ATM: variants seen among roughly 807,000 people sequenced by gnomAD.
ATM encodes the protein serine-protein kinase ATM.
Under a neutral mutation model 387.0 loss-of-function variants are expected in ATM, and 308 were observed. The ratio of observed to expected loss-of-function variants is 0.80; its 90% CI spans 0.73 to 0.87. The LOEUF (loss-of-function observed/expected upper bound fraction) is 0.87. Ranked by LOEUF, ATM falls within the 40% of genes least tolerant of loss-of-function variation. ATM has a pLI of 0.00. For missense variants in ATM, 3,312 were observed against 3,560.9 expected (o/e 0.93, Z 1.78); for synonymous variants, 1,156 against 1,187.3 (o/e 0.97, Z 0.54).
intron 38 of ATM, chr11:108,309,080 A>C: frequency 7.0e-7 from 1 of 1,425,810 alleles, no homozygotes; most frequent in Non-Finnish European, 9.6e-7. Context: ...TCCTGGAGAA[A>C]GTATGAATGG....
chr11:108,232,527 CTTTTTTTTTTTTT>C (rs71047685), intron 4 of ATM, among the ~76,000 whole-genome samples: 115 of 58,218 alleles, frequency 2.0e-3, no homozygotes, highest in African/African-American at 5.6e-3. Context: ...GATTTCTCTC[CTTTTTTTTTTTTT>C]TTTTTTTTTT....
Position 108,282,812 on chromosome 11 carries a change from A to G in ATM, c.3679A>G (p.Thr1227Ala), listed in dbSNP as rs1047871047. The G allele has an allele frequency of 6.4e-7, 1 of 1,555,596 alleles. No individual in the cohort carries two copies. The highest frequency in any genetic ancestry group is 1.4e-5 in the African/African-American group (1 of 73,492). Residue 1227 changes from threonine (T) to alanine (A), a missense_variant, in exon 25 of 63, where the codon ACT becomes GCT. Thr to Ala is a moderately conservative substitution (Grantham distance 58). Transcript: ENST00000675843. ...LVLEWLNLQD[T>A]EYNLSSFPFI... Reference sequence around the variant, plus strand: ...TTTGGAATGGCTAAATCTTCAAGATACTGAATACAACTTATCTTCTTTTCC... The same window carrying G: ...TTTGGAATGGCTAAATCTTCAAGATGCTGAATACAACTTATCTTCTTTTCC...
intron 59 of ATM, among the ~76,000 whole-genome samples, chr11:108,348,231 T>C (rs1416114654): frequency 6.6e-6 from 1 of 151,822 alleles, no homozygotes; most frequent in Non-Finnish European, 1.5e-5. Context: ...TGTATATATA[T>C]AGACAGTTTA....
chr11:108,232,101 G>A (rs2079042929), intron 4 of ATM, among the ~76,000 whole-genome samples: 1 of 152,258 alleles, frequency 6.6e-6, no homozygotes, highest in Non-Finnish European at 1.5e-5. Context: ...TTGCCTTGCA[G>A]TGAACAAACC....
intron 59 of ATM, among the ~76,000 whole-genome samples, chr11:108,352,083 C>G (rs192575393): frequency 1.3e-5 from 2 of 152,204 alleles, no homozygotes; most frequent in Admixed American, 1.3e-4. Context: ...TCCTGAGTCT[C>G]GTAATAACTA....
chr11:108,357,790 T>C (rs1271461941), intron 61 of ATM, among the ~76,000 whole-genome samples: 1 of 151,802 alleles, frequency 6.6e-6, no homozygotes, highest in Non-Finnish European at 1.5e-5. Flanking sequence ...CAAAAACCCA[T>C]CTGTACATCA....
intron 16 of ATM, among the ~76,000 whole-genome samples, chr11:108,260,423 T>C (rs2080794355): frequency 6.6e-6 from 1 of 152,186 alleles, no homozygotes. Flanking sequence ...TATTGTACTT[T>C]TGTCTATTTG....
At chr11:108,237,200 A>G (rs2079322963) in intron 5 of ATM, among the ~76,000 whole-genome samples, 1 of 152,094 alleles carries the variant, frequency 6.6e-6, no homozygotes, top group Non-Finnish European at 1.5e-5. Flanking sequence ...CCTTTACGTT[A>G]CTCTGAACAC....
intron 31 of ATM, among the ~76,000 whole-genome samples, chr11:108,293,889 AAAAAAATAT>A (rs1335436489): frequency 2.6e-5 from 3 of 113,298 alleles, no homozygotes; most frequent in African/African-American, 9.2e-5. Flanking sequence ...AAAAAAAAAA[AAAAAAATAT>A]ATATATATAT....
At position 108,366,165 on chromosome 11, in the gene ATM, G is replaced by A; in HGVS notation, c.*657G>A. 1 of 193,752 alleles carries A rather than the reference G, an allele frequency of 5.2e-6. No homozygotes were observed. Among genetic ancestry groups the A allele is most frequent in the Non-Finnish European group, 1.1e-5 (1 of 93,314 alleles). The allele number at this position is 193,752 out of a possible 1,614,324, so 12.0% of individuals were successfully genotyped here. A position where few individuals can be genotyped will look rare whatever the true frequency, so the allele number is the denominator to read the frequency against. The stretch of plus-strand genomic sequence containing the variant: ...GTGTAGTTACTATTTTTTTAAGTGT[G>A]TATTAAAACTTCTCATTCTATTCTC... On this transcript the variant is annotated 3_prime_UTR_variant, in exon 63 of 63. Transcript: ENST00000675843.
At chr11:108,364,982 C>T (rs2137854564) in intron 61 of ATM, 100 bp from the exon 62 acceptor site, 1 of 1,380,440 alleles carries the variant, frequency 7.2e-7, no homozygotes, top group African/African-American at 1.4e-5. Context: ...CCATCAACTA[C>T]CATGTGACTG....
At chr11:108,309,831 G>T (rs2083993045) in intron 38 of ATM, among the ~76,000 whole-genome samples, 1 of 152,128 alleles carries the variant, frequency 6.6e-6, no homozygotes, top group Non-Finnish European at 1.5e-5. Context: ...TAGCTATTCT[G>T]TGTATCCTAT....
chr11:108,328,889 A>G (rs2085958738), intron 48 of ATM, 132 bp from the exon 49 acceptor site: 2 of 1,023,670 alleles, frequency 2.0e-6, no homozygotes, highest in Non-Finnish European at 2.9e-6. Context: ...CAAGTTTGCA[A>G]TAGTTCATAT....
rs549106928 is a variant in ATM at position 108,289,752 on chromosome 11, T to A, written c.4387T>A (p.Phe1463Ile). ...AAGTGGCTTAGGAGGAGCTTGGGCC[T>A]TTGTTCTTCGAGACGTTATTTATAC... ...IKSGLGGAWA[F>I]VLRDVIYTLI... The change falls in exon 29 of 63, where the codon TTT becomes ATT. Residue 1463 changes from phenylalanine (F) to isoleucine (I), a missense_variant. Coordinates refer to ENST00000675843, the MANE Select transcript of ATM (RefSeq NM_000051.4). 1 of 1,613,678 alleles carries A rather than the reference T, an allele frequency of 6.2e-7. No individual in the cohort carries two copies. The highest frequency in any genetic ancestry group is 1.1e-5 in the South Asian group (1 of 91,050).
At position 108,250,858 on chromosome 11, in the gene ATM, TGTCAAGACAAGAG is replaced by T; in HGVS notation, c.1399_1411del (p.Asp467ThrfsTer2). ...ACGATGCCTTACGGAAGTTGCATTG[TGTCAAGACAAGAG>T]GTCAAACCTAGAAAGCTCACAAAAG... On this transcript the variant is annotated frameshift_variant, in exon 10 of 63. Coordinates refer to ENST00000675843, the MANE Select transcript of ATM (RefSeq NM_000051.4). LOFTEE classifies it high-confidence loss of function. 6.2e-7 allele frequency: 1 copy of T among 1,614,190 alleles called. No homozygotes were observed. Among genetic ancestry groups the T allele is most frequent in the Non-Finnish European group, 8.5e-7 (1 of 1,180,034 alleles).
At chr11:108,253,771 T>G in intron 12 of ATM, 43 bp from the exon 13 acceptor site, 1 of 1,461,644 alleles carries the variant, frequency 6.8e-7, no homozygotes, top group Non-Finnish European at 9.6e-7. Context: ...AGGCAAAGCA[T>G]TAGGTACTTG....
chr11:108,327,805 T>C lies in ATM; in HGVS notation c.7089+47T>C, dbSNP rs115307746. 1.6e-4 allele frequency: 214 copies of C among 1,342,704 alleles called. No homozygotes were observed. In the African/African-American group the frequency reaches 1.7e-3, roughly 11 times the overall value. The allele number at this position is 1,342,704 out of a possible 1,614,324, so 83.2% of individuals were successfully genotyped here. ...TTAAGATAGTTACTTAGCATGAATA[T>C]GCTTCATCTTTTCATCAAGATCAAT... On this transcript the variant is annotated intron_variant, in intron 48 of 62. Coordinates refer to ENST00000675843, the MANE Select transcript of ATM (RefSeq NM_000051.4).
At chr11:108,335,227 G>A (rs771106354) in intron 55 of ATM, 118 bp downstream of exon 55, 2 of 1,565,078 alleles carry the variant, frequency 1.3e-6, no homozygotes, top group African/African-American at 1.4e-5. Flanking sequence ...TACAAATGAG[G>A]AAGATTTGTA....
intron 61 of ATM, among the ~76,000 whole-genome samples, chr11:108,363,554 A>AGG (rs747136507): frequency 6.6e-6 from 1 of 152,122 alleles, no homozygotes; most frequent in Non-Finnish European, 1.5e-5. Context: ...ATGGGAGATG[A>AGG]GGATAGTATT....
Sources: gnomAD v4.1 joint callset for allele counts (sites outside exome capture counted in the v4.1 genomes callset) on GRCh38, gnomAD v4.1.1 for gene constraint, MANE v1.5 for transcripts, NCBI Gene and HGNC (gene_info 2026-07-23, HGNC 2026-07-21) for gene names.